The following LRRC4C variants were observed in gnomAD, a reference collection of about 807,000 sequenced individuals.
LRRC4C encodes leucine rich repeat containing 4C, also known as leucine-rich repeat-containing protein 4C.
Under a neutral mutation model 33.6 loss-of-function variants are expected in LRRC4C, and 5 were observed. That is an observed-to-expected ratio of 0.15 (90% CI 0.08 to 0.31). LRRC4C has a LOEUF of 0.31. LRRC4C is among the 10% of genes least tolerant of loss of function. The pLI is 1.00. For missense variants in LRRC4C, 560 were observed against 796.7 expected (o/e 0.70, Z 3.58); for synonymous variants, 329 against 302.0 (o/e 1.09, Z -0.93).
chr11:41,278,144 C>A lies in LRRC4C; in HGVS notation c.-496+181287G>T, dbSNP rs759535348. ...TGCCATGGTTATTATAGTTAATTACCATAAATTGTTTTCTTCAAATATGTG... is the reference window on the plus strand; with the variant it reads ...TGCCATGGTTATTATAGTTAATTACAATAAATTGTTTTCTTCAAATATGTG... On this transcript the variant is annotated intron_variant, in intron 1 of 6. Transcript: ENST00000528697. Among the ~76,000 whole-genome samples, 64 of 152,098 alleles carry A rather than the reference C, an allele frequency of 4.2e-4. 1 individual carries two copies. The highest frequency in any genetic ancestry group is 6.9e-4 in the Non-Finnish European group (47 of 67,996).
chr11:40,592,342 G>A (rs1416577042), intron 3 of LRRC4C, among the ~76,000 whole-genome samples: 1 of 152,174 alleles, frequency 6.6e-6, no homozygotes, highest in Non-Finnish European at 1.5e-5. Context: ...ACTTGGAGGG[G>A]TGGCTGAAAC....
At chr11:40,285,190 A>C (rs67050360) in intron 4 of LRRC4C, among the ~76,000 whole-genome samples, 52,091 of 151,990 alleles carry the variant, frequency 0.34, 9,318 homozygotes, top group Admixed American at 0.45. Flanking sequence ...CTCTCAAAAA[A>C]CCCCCAGCTT....
intron 1 of LRRC4C, among the ~76,000 whole-genome samples, chr11:41,283,612 G>A (rs888731270): frequency 6.6e-6 from 1 of 152,206 alleles, no homozygotes; most frequent in Non-Finnish European, 1.5e-5. Context: ...GCTCACTCAT[G>A]TACCTATTAT....
At chr11:40,983,026 G>C (rs1323811783) in intron 1 of LRRC4C, among the ~76,000 whole-genome samples, 1 of 152,154 alleles carries the variant, frequency 6.6e-6, no homozygotes, top group Non-Finnish European at 1.5e-5. Context: ...TGACTGCATA[G>C]TATTCCATGG....
chr11:40,934,034 C>T (rs1462407834), intron 1 of LRRC4C, among the ~76,000 whole-genome samples: 2 of 152,138 alleles, frequency 1.3e-5, no homozygotes, highest in Non-Finnish European at 2.9e-5. Context: ...GGAAAAAAGG[C>T]ATATCTGGTG....
At chr11:40,265,149 T>TA (rs1367458394) in intron 4 of LRRC4C, among the ~76,000 whole-genome samples, 4 of 152,204 alleles carry the variant, frequency 2.6e-5, no homozygotes, top group African/African-American at 9.6e-5. Flanking sequence ...TAGCACCTTG[T>TA]AAAAAATTCT....
At chr11:41,240,613 T>A (rs1274951107) in intron 1 of LRRC4C, among the ~76,000 whole-genome samples, 18 of 152,196 alleles carry the variant, frequency 1.2e-4, no homozygotes, top group Admixed American at 1.2e-3. Context: ...AAAATGGTTT[T>A]CCCTAAGCCA....
chr11:41,316,636 T>C (rs1950806215), intron 1 of LRRC4C, among the ~76,000 whole-genome samples: 1 of 152,210 alleles, frequency 6.6e-6, no homozygotes, highest in South Asian at 2.1e-4. Flanking sequence ...GTAGAGCTAT[T>C]GTTTCTTATC....
At chr11:40,739,029 A>ATGTGTGTG (rs746979119) in intron 2 of LRRC4C, among the ~76,000 whole-genome samples, 2 of 137,232 alleles carry the variant, frequency 1.5e-5, no homozygotes, top group African/African-American at 5.3e-5. Context: ...GTGTGTGTGT[A>ATGTGTGTG]TGTGTGTGTG....
chr11:41,362,351 AAAGGAAAT>A (rs1399400006), intron 1 of LRRC4C, among the ~76,000 whole-genome samples: 1 of 152,182 alleles, frequency 6.6e-6, no homozygotes, highest in Non-Finnish European at 1.5e-5. Flanking sequence ...GGAAAAAGGA[AAAGGAAAT>A]AAGGAAATAA....
chr11:41,001,023 T>A (rs1310513216), intron 1 of LRRC4C, among the ~76,000 whole-genome samples: 1 of 152,122 alleles, frequency 6.6e-6, no homozygotes, highest in Non-Finnish European at 1.5e-5. Context: ...TCTAAAAGTA[T>A]AGAAAAATAA....
At chr11:41,172,502 T>A (rs1430907639) in intron 1 of LRRC4C, among the ~76,000 whole-genome samples, 1 of 152,178 alleles carries the variant, frequency 6.6e-6, no homozygotes, top group Non-Finnish European at 1.5e-5. Flanking sequence ...CTGATAAGAC[T>A]CAGTGCCTAG....
At chr11:41,157,597 C>T (rs969908817) in intron 1 of LRRC4C, among the ~76,000 whole-genome samples, 1 of 152,072 alleles carries the variant, frequency 6.6e-6, no homozygotes, top group African/African-American at 2.4e-5. Flanking sequence ...AGTCCACATA[C>T]CTTGCAAAAA....
intron 2 of LRRC4C, among the ~76,000 whole-genome samples, chr11:40,722,576 A>C (rs1375442721): frequency 6.6e-6 from 1 of 152,212 alleles, no homozygotes; most frequent in East Asian, 1.9e-4. Flanking sequence ...TCGAAGAAAT[A>C]AACTAAGAAT....
chr11:40,595,751 C>A (rs1959227202), intron 3 of LRRC4C, among the ~76,000 whole-genome samples: 1 of 152,030 alleles, frequency 6.6e-6, no homozygotes, highest in Non-Finnish European at 1.5e-5. Flanking sequence ...CAACAGCAGG[C>A]AGAAATAGCC....
intron 1 of LRRC4C, among the ~76,000 whole-genome samples, chr11:40,949,366 A>C (rs956326427): frequency 6.6e-6 from 1 of 152,056 alleles, no homozygotes; most frequent in Non-Finnish European, 1.5e-5. Flanking sequence ...GAAGCTCTTT[A>C]GTTTAATTAG....
intron 4 of LRRC4C, among the ~76,000 whole-genome samples, chr11:40,259,978 T>A (rs2136245697): frequency 6.8e-6 from 1 of 147,480 alleles, no homozygotes; most frequent in East Asian, 2.0e-4. Context: ...AGTTCAACCA[T>A]TGTGGAAGTC....
chr11:41,130,430 A>G (rs1942959035), intron 1 of LRRC4C, among the ~76,000 whole-genome samples: 1 of 152,002 alleles, frequency 6.6e-6, no homozygotes, highest in African/African-American at 2.4e-5. Flanking sequence ...AGAAGGACAC[A>G]TCTGGTTATG....
chr11:41,301,930 C>A (rs1196851972), intron 1 of LRRC4C, among the ~76,000 whole-genome samples: 5 of 152,118 alleles, frequency 3.3e-5, no homozygotes, highest in Admixed American at 2.0e-4. Context: ...TATTTACTTC[C>A]ACTACTTTTA....
Sources: allele counts gnomAD v4.1 joint callset (sites outside exome capture counted in the v4.1 genomes callset), GRCh38; gene constraint gnomAD v4.1.1; transcripts MANE v1.5; gene names NCBI Gene and HGNC (gene_info 2026-07-23, HGNC 2026-07-21).